The following GLIS3 variants were observed in gnomAD, a reference collection of about 807,000 sequenced individuals.
GLIS3 encodes zinc finger protein GLIS3.
GLIS3 carries 53 observed loss-of-function variants against 78.6 expected under a neutral mutation model. That is an observed-to-expected ratio of 0.67 (90% CI 0.54 to 0.85). GLIS3 has a LOEUF of 0.85. GLIS3 is among the 40% of genes least tolerant of loss of function. The pLI, the probability that GLIS3 is intolerant of heterozygous loss-of-function variation, is 0.00. For missense variants in GLIS3, 1,703 were observed against 1,231.1 expected, an observed-to-expected ratio of 1.38 and a Z score of -5.74; for synonymous variants, 684 against 509.9, an observed-to-expected ratio of 1.34 and a Z score of -4.60.
chr9:3,875,284 T>C (rs1821240653), intron 8 of GLIS3, among the ~76,000 whole-genome samples: 1 of 152,182 alleles, frequency 6.6e-6, no homozygotes, highest in Non-Finnish European at 1.5e-5. Context: ...TAATGTGTCA[T>C]TCAGATAATA....
At chr9:4,321,433 A>AAAAAAAAAC (rs1817526704) in intron 2 of GLIS3, among the ~76,000 whole-genome samples, 1 of 97,000 alleles carries the variant, frequency 1.0e-5, no homozygotes, top group Non-Finnish European at 1.8e-5. Context: ...AAAAAAAAAA[A>AAAAAAAAAC]AAAAAAAAAA....
intron 2 of GLIS3, among the ~76,000 whole-genome samples, chr9:4,187,345 A>G (rs1817900528): frequency 6.6e-6 from 1 of 152,026 alleles, no homozygotes; most frequent in Non-Finnish European, 1.5e-5. Flanking sequence ...GTTCTGTTCC[A>G]TTGTTCTATC....
At chr9:4,485,458 T>G in the GLIS3 span, among the ~76,000 whole-genome samples, 1 of 152,088 alleles carries the variant, frequency 6.6e-6, no homozygotes, top group Non-Finnish European at 1.5e-5. Flanking sequence ...CCCCTGTGAT[T>G]TCATCTTCAT....
chr9:4,488,520 C>T, the GLIS3 span, among the ~76,000 whole-genome samples: 1 of 123,016 alleles, frequency 8.1e-6, no homozygotes, highest in East Asian at 2.1e-4. Flanking sequence ...CGCACGCTCT[C>T]TCTCTTTTTT....
At chr9:3,929,821 T>G (rs1312364257) in intron 6 of GLIS3, among the ~76,000 whole-genome samples, 1 of 152,218 alleles carries the variant, frequency 6.6e-6, no homozygotes, top group Non-Finnish European at 1.5e-5. Flanking sequence ...TGAGGCCAGT[T>G]TTCAATTTTT....
In GLIS3 at chr9:3,835,083, C is replaced by G. The variant is rs553485762; in HGVS notation, c.2474-5591G>C. On this transcript the variant is annotated intron_variant, in intron 9 of 10. Coordinates refer to ENST00000381971, the MANE Select transcript of GLIS3 (RefSeq NM_001042413.2). Reference sequence around the variant, plus strand: ...TGATTAATACCATCAGCCTACACTTCGTCAAAGGGATAAGTCATGATCTGT... The same window carrying G: ...TGATTAATACCATCAGCCTACACTTGGTCAAAGGGATAAGTCATGATCTGT... Among the ~76,000 whole-genome samples, 8 of 152,278 alleles carry G rather than the reference C, an allele frequency of 5.3e-5. No individual in the cohort carries two copies. The East Asian group carries it at 1.5e-3, about 29-fold the overall frequency.
chr9:4,298,761 T>TTATA (rs1816840648), intron 1 of GLIS3, among the ~76,000 whole-genome samples: 1 of 150,382 alleles, frequency 6.6e-6, no homozygotes, highest in African/African-American at 2.5e-5. Flanking sequence ...GCGTGGGAGG[T>TTATA]TATAGTTCCA....
chr9:4,399,111 A>T, the GLIS3 span, among the ~76,000 whole-genome samples: 1 of 152,252 alleles, frequency 6.6e-6, no homozygotes, highest in Non-Finnish European at 1.5e-5. Context: ...TTGCAGGATG[A>T]TTATAGTTAA....
chr9:4,220,252 G>C (rs532673678), intron 2 of GLIS3, among the ~76,000 whole-genome samples: 7 of 152,342 alleles, frequency 4.6e-5, no homozygotes, highest in African/African-American at 1.7e-4. Flanking sequence ...TAGAAAGAAT[G>C]ATGGAGTTAG....
intron 2 of GLIS3, among the ~76,000 whole-genome samples, chr9:4,210,173 A>G (rs1820260296): frequency 1.3e-5 from 2 of 152,346 alleles, no homozygotes; most frequent in Non-Finnish European, 2.9e-5. Context: ...AAATGAGCCT[A>G]ATTCCAGTAA....
chr9:4,432,426 A>G, the GLIS3 span, among the ~76,000 whole-genome samples: 1 of 152,102 alleles, frequency 6.6e-6, no homozygotes, highest in Non-Finnish European at 1.5e-5. Flanking sequence ...AAGCGCATGT[A>G]GTTCAGTTTG....
chr9:4,317,157 G>C (rs1478761523), intron 2 of GLIS3, among the ~76,000 whole-genome samples: 1 of 152,144 alleles, frequency 6.6e-6, no homozygotes, highest in Non-Finnish European at 1.5e-5. Context: ...CGACTGCAAG[G>C]TTAAGCTCAA....
Position 3,856,179 on chromosome 9 carries a change from G to A in GLIS3, c.2303C>T (p.Ala768Val). 6.2e-7 allele frequency: 1 copy of A among 1,613,588 alleles called. No individual in the cohort carries two copies. The highest frequency in any genetic ancestry group is 8.5e-7 in the Non-Finnish European group (1 of 1,179,742). Residue 768 changes from alanine to valine, a missense_variant, in exon 9 of 11, where the codon GCA becomes GTA. Physicochemically the swap from Ala to Val is moderately conservative, Grantham distance 64. Coordinates refer to ENST00000381971, the MANE Select transcript of GLIS3 (RefSeq NM_001042413.2). ...TAVDAGAERF[A>V]PSAPSPHHIS... ...GTGGTGAGGAGATGGAGCAGAAGGT[G>A]CAAACCTGAGAAAACAATTATAAAA... is the stretch of plus-strand genomic sequence containing the variant.
intron 9 of GLIS3, among the ~76,000 whole-genome samples, chr9:3,834,964 G>A (rs1818263811): frequency 6.6e-6 from 1 of 152,170 alleles, no homozygotes; most frequent in Non-Finnish European, 1.5e-5. Context: ...CACCAGGGTG[G>A]CGATGTGCCC....
chr9:3,904,397 T>C (rs1823520986), intron 6 of GLIS3, among the ~76,000 whole-genome samples: 1 of 152,240 alleles, frequency 6.6e-6, no homozygotes, highest in South Asian at 2.1e-4. Flanking sequence ...GTTTTCGGCC[T>C]GCCCTACAAA....
Position 4,136,200 on chromosome 9 carries a change from G to C in GLIS3, c.389-10259C>G, listed in dbSNP as rs186927626. On this transcript the variant is annotated intron_variant, in intron 2 of 10. Coordinates refer to ENST00000381971, the MANE Select transcript of GLIS3 (RefSeq NM_001042413.2). ...GCGCTCACAACCTCTGAAGAGATAA[G>C]ATATACTCACCTAGGAACAATCGGA... Among the ~76,000 whole-genome samples, 318 of 152,266 alleles carry C rather than the reference G, an allele frequency of 2.1e-3. 1 individual carries two copies. The highest frequency in any genetic ancestry group is 7.2e-3 in the African/African-American group (299 of 41,556).
intron 2 of GLIS3, among the ~76,000 whole-genome samples, chr9:4,342,079 C>G (rs748826403): frequency 2.0e-5 from 3 of 152,164 alleles, no homozygotes; most frequent in Non-Finnish European, 4.4e-5. Context: ...GTTTCTTTTG[C>G]TGTGCAGAGG....
intron 2 of GLIS3, among the ~76,000 whole-genome samples, chr9:4,188,573 A>C (rs1818024991): frequency 6.6e-6 from 1 of 152,080 alleles, no homozygotes; most frequent in Non-Finnish European, 1.5e-5. Context: ...AAGTAATGGT[A>C]CCACTTCCTC....
intron 4 of GLIS3, among the ~76,000 whole-genome samples, chr9:3,942,113 A>C (rs1021490430): frequency 6.6e-6 from 1 of 152,222 alleles, no homozygotes; most frequent in Admixed American, 6.5e-5. Context: ...GCTGAGAAGC[A>C]TAAGTTCATA....
Sources: gnomAD v4.1 joint callset for allele counts (sites outside exome capture counted in the v4.1 genomes callset) on GRCh38, gnomAD v4.1.1 for gene constraint, MANE v1.5 for transcripts, NCBI Gene and HGNC (gene_info 2026-07-23, HGNC 2026-07-21) for gene names.